Variants in DPP9 observed in about 807,000 individuals in gnomAD.
DPP9 encodes the protein dipeptidyl peptidase IV-related protein-2.
In DPP9, 50 loss-of-function variants were observed where a neutral mutation model predicts 110.7. That is an observed-to-expected ratio of 0.45 (90% CI 0.36 to 0.57). The LOEUF is 0.57. Ranked by LOEUF, DPP9 falls within the 20% of genes least tolerant of loss-of-function variation. The pLI, the probability that DPP9 is intolerant of heterozygous loss-of-function variation, is 0.00. For missense variants in DPP9, 1,022 were observed against 1,217.9 expected, an observed-to-expected ratio of 0.84 and a Z score of 2.39; for synonymous variants, 561 against 514.4, an observed-to-expected ratio of 1.09 and a Z score of -1.23.
rs367966300 is a variant in DPP9, at chr19:4,689,550, G to T, written c.1749+20C>A. 1 of 1,546,456 alleles carries T rather than the reference G, an allele frequency of 6.5e-7. No individual in the cohort carries two copies. The highest frequency in any genetic ancestry group is 2.4e-5 in the East Asian group (1 of 41,216). ...TGTTGGACGGGCACAGGGCGGTGCC[G>T]TGAGGCTGGGCGGTCCCACCTGGCT... On this transcript the variant is annotated intron_variant, in intron 15 of 21. Coordinates refer to ENST00000262960, the MANE Select transcript of DPP9 (RefSeq NM_139159.5). The surrounding 1 kb of genome is among the most constrained non-coding windows in gnomAD (Gnocchi z 7.0).
intron 7 of DPP9, 24 bp downstream of exon 7, chr19:4,703,862 G>T: frequency 6.3e-7 from 1 of 1,584,162 alleles, no homozygotes; most frequent in Non-Finnish European, 8.6e-7. Context: ...TATGGTGGCC[G>T]TGCACAGGAG....
At position 4,702,082 on chromosome 19, in the gene DPP9, G is replaced by A. The variant is rs1389421613; in HGVS notation, c.957C>T (p.Val319=). 3 of 1,613,982 alleles carry A rather than the reference G, an allele frequency of 1.9e-6. No individual in the cohort carries two copies. In the Admixed American group the frequency reaches 5.0e-5, roughly 27 times the overall value. The change falls in exon 9 of 22, where the codon GTC becomes GTT. Residue 319 remains valine, a synonymous_variant. Coordinates refer to ENST00000262960, the MANE Select transcript of DPP9 (RefSeq NM_139159.5). ...TCCTTTCTTCTAGCGCAGGAGAGGGGACGTGAATGACCTCCACCTCGGACT... is the reference window on the plus strand; with the variant it reads ...TCCTTTCTTCTAGCGCAGGAGAGGGAACGTGAATGACCTCCACCTCGGACT... ...VDESEVEVIH[V]PSPALEERKT...
chr19:4,692,925 C>T (rs1051880500), intron 13 of DPP9, among the ~76,000 whole-genome samples: 9 of 152,128 alleles, frequency 5.9e-5, no homozygotes, highest in Non-Finnish European at 8.8e-5. Flanking sequence ...GCTGTCACCC[C>T]GCCGGTCCGC....
rs1475766847 is a variant in DPP9, at chr19:4,718,981, T to G, written c.56+870A>C. Among the ~76,000 whole-genome samples, 1 of 152,112 alleles carries G rather than the reference T, an allele frequency of 6.6e-6. No individual in the cohort carries two copies. The highest frequency in any genetic ancestry group is 1.5e-5 in the Non-Finnish European group (1 of 68,026). On this transcript the variant is annotated intron_variant, in intron 3 of 21. Transcript: ENST00000262960. The surrounding 1 kb of genome is among the most constrained non-coding windows in gnomAD (Gnocchi z 4.3). ...CTGACTGCCCCGGGGGGTGCGTGTC[T>G]AACCACATTCCATCCACACCTGATT...
At chr19:4,716,741 T>C (rs1329000934) in intron 3 of DPP9, among the ~76,000 whole-genome samples, 1 of 152,038 alleles carries the variant, frequency 6.6e-6, no homozygotes, top group Non-Finnish European at 1.5e-5. Context: ...GTGGGGAAAC[T>C]GAAGCTGGGA....
In DPP9 at chr19:4,676,365, C is replaced by G. The variant is rs905907448; in HGVS notation, c.*199G>C. On this transcript the variant is annotated 3_prime_UTR_variant, in exon 22 of 22. Transcript: ENST00000262960. This position sits in a 1 kb window ranked among gnomAD's most constrained non-coding sequence, Gnocchi z 4.0. ...CTCTGTCTCGGCAACCAAGAAGCAGCGGACATAAAACCCAAGAGCGTTTAA... is the reference window on the plus strand; with the variant it reads ...CTCTGTCTCGGCAACCAAGAAGCAGGGGACATAAAACCCAAGAGCGTTTAA... 5.1e-6 allele frequency: 3 copies of G among 586,548 alleles called. No individual in the cohort carries two copies. Among genetic ancestry groups the G allele is most frequent in the Non-Finnish European group, 9.2e-6 (3 of 327,052 alleles). The allele number at this position is 586,548 out of a possible 1,614,324, so 36.3% of individuals were successfully genotyped here. A position where few individuals can be genotyped will look rare whatever the true frequency, so the allele number is the denominator to read the frequency against.
rs1252528102 is a variant in DPP9 at position 4,695,350 on chromosome 19, G to A, written c.1353+28C>T. 1.3e-6 allele frequency: 2 copies of A among 1,533,950 alleles called. No individual in the cohort carries two copies. Among genetic ancestry groups the A allele is most frequent in the Non-Finnish European group, 1.8e-6 (2 of 1,139,300 alleles). On this transcript the variant is annotated intron_variant, in intron 12 of 21. Transcript: ENST00000262960. This position sits in a 1 kb window ranked among gnomAD's most constrained non-coding sequence, Gnocchi z 4.7. ...CAGTGTGACTCCAGGGCCCAGGCGG[G>A]CATACAGCCAGCGCTTGCCCCGCTT...
chr19:4,690,935 C>A lies in DPP9; in HGVS notation c.1539G>T (p.Lys513Asn). ...CACCGCTGGTCAGAGCAATCTCTTC[C>A]TTAATGGGGCACTTAAATTCATCTG... is the stretch of plus-strand genomic sequence containing the variant. ...PGEDEFKCPI[K>N]EEIALTSGEW... The change falls in exon 14 of 22, where the codon AAG (lysine) becomes AAT (asparagine). Residue 513 changes from lysine (K) to asparagine (N), a missense_variant. By Grantham distance (94) the Lys-to-Asn change is moderately conservative. Coordinates refer to ENST00000262960, the MANE Select transcript of DPP9 (RefSeq NM_139159.5). The A allele has an allele frequency of 6.2e-7, 1 of 1,613,196 alleles. No homozygotes were observed. The highest frequency in any genetic ancestry group is 8.5e-7 in the Non-Finnish European group (1 of 1,179,612).
At chr19:4,719,772 T>G in intron 3 of DPP9, 79 bp downstream of exon 3, 1 of 1,503,556 alleles carries the variant, frequency 6.7e-7, no homozygotes, top group Non-Finnish European at 9.1e-7. Context: ...AGAAGGGGCC[T>G]TCCAGATCTT....
rs897397566 is a variant in DPP9, at chr19:4,687,565, C to A, written c.1885+1192G>T. Among the ~76,000 whole-genome samples the A allele has an allele frequency of 6.6e-6, 1 of 152,126 alleles. No homozygotes were observed. Among genetic ancestry groups the A allele is most frequent in the Non-Finnish European group, 1.5e-5 (1 of 68,014 alleles). ...TTTCCTGAGGCCCCCCTGTGACTGA[C>A]CCTTTGCTCCTTTTCCTGATAAAGG... On this transcript the variant is annotated intron_variant, in intron 16 of 21. Coordinates refer to ENST00000262960, the MANE Select transcript of DPP9 (RefSeq NM_139159.5). This position sits in a 1 kb window ranked among gnomAD's most constrained non-coding sequence, Gnocchi z 4.7.
chr19:4,719,650 C>A lies in DPP9; in HGVS notation c.56+201G>T, dbSNP rs2093231213. 9 of 644,338 alleles carry A rather than the reference C, an allele frequency of 1.4e-5. No homozygotes were observed. In the South Asian group the frequency reaches 1.7e-4, roughly 12 times the overall value. 39.9% of individuals were successfully genotyped at this position (644,338 alleles called of 1,614,324 possible). A position where few individuals can be genotyped will look rare whatever the true frequency, so the allele number is the denominator to read the frequency against. On this transcript the variant is annotated intron_variant, in intron 3 of 21. Coordinates refer to ENST00000262960, the MANE Select transcript of DPP9 (RefSeq NM_139159.5). Reference sequence around the variant, plus strand: ...GCCCCACCCCAGAGAACATTCCAGCCCCAGCGTCCACAGTGCCGAGGGGGA... The same window carrying A: ...GCCCCACCCCAGAGAACATTCCAGCACCAGCGTCCACAGTGCCGAGGGGGA...
At chr19:4,692,052 C>G (rs1222312901) in intron 13 of DPP9, among the ~76,000 whole-genome samples, 3 of 151,962 alleles carry the variant, frequency 2.0e-5, no homozygotes. Context: ...AACTCCTGGG[C>G]TCAAGTGATC....
At chr19:4,686,121 TTC>T (rs1339798072) in intron 16 of DPP9, among the ~76,000 whole-genome samples, 12 of 151,626 alleles carry the variant, frequency 7.9e-5, no homozygotes, top group Admixed American at 5.3e-4. Context: ...TTTCTTTTTC[TTC>T]TTTTTTTTTT....
At chr19:4,683,224 C>A (rs927605421) in intron 19 of DPP9, 1 of 1,431,100 alleles carries the variant, frequency 7.0e-7, no homozygotes, top group African/African-American at 1.4e-5. Flanking sequence ...CCGGGCTCAG[C>A]CTCCCACAGA....
intron 2 of DPP9, among the ~76,000 whole-genome samples, chr19:4,721,168 A>T (rs533545771): frequency 1.3e-5 from 2 of 152,348 alleles, no homozygotes; most frequent in South Asian, 4.1e-4. Context: ...TGGACAGAAC[A>T]GCCCCCCTCC....
Position 4,695,311 on chromosome 19 carries a change from C to T in DPP9, c.1353+67G>A, listed in dbSNP as rs904097208. ...GCCATTGGCGCTCAGCCTTCTAGGA[C>T]GTGGGGGTGGGGACAGTGTGACTCC... On this transcript the variant is annotated intron_variant, in intron 12 of 21. Coordinates refer to ENST00000262960, the MANE Select transcript of DPP9 (RefSeq NM_139159.5). This position sits in a 1 kb window ranked among gnomAD's most constrained non-coding sequence, Gnocchi z 4.7. 4.3e-5 allele frequency: 62 copies of T among 1,456,382 alleles called. No individual in the cohort carries two copies. The highest frequency in any genetic ancestry group is 3.9e-4 in the Middle Eastern group (2 of 5,096). 90.2% of individuals were successfully genotyped at this position (1,456,382 alleles called of 1,614,324 possible). A position where few individuals can be genotyped will look rare whatever the true frequency, so the allele number is the denominator to read the frequency against.
chr19:4,723,587 G>T, intron 1 of DPP9, 87 bp downstream of exon 1: 1 of 155,438 alleles, frequency 6.4e-6, no homozygotes, highest in Non-Finnish European at 1.4e-5. Context: ...GCGATGGCGA[G>T]GGCAGGGTCA....
At chr19:4,701,123 G>A (rs1369361742) in intron 9 of DPP9, among the ~76,000 whole-genome samples, 1 of 152,162 alleles carries the variant, frequency 6.6e-6, no homozygotes, top group East Asian at 1.9e-4. Flanking sequence ...TGGGCTGCAC[G>A]TGTGTTCTGT....
rs1171822604 is a variant in DPP9 at position 4,703,883 on chromosome 19, C to T, written c.769+3G>A. On this transcript the variant is annotated splice_donor_region_variant and intron_variant, in intron 7 of 21. Transcript: ENST00000262960. Reference sequence around the variant, plus strand: ...GGCCGTGCACAGGAGGGGCTGGCCCCACCTTGGTGGCAGAAGGTCAGCCGC... The same window carrying T: ...GGCCGTGCACAGGAGGGGCTGGCCCTACCTTGGTGGCAGAAGGTCAGCCGC... The T allele has an allele frequency of 6.3e-7, 1 of 1,598,106 alleles. No homozygotes were observed. The highest frequency in any genetic ancestry group is 1.3e-5 in the African/African-American group (1 of 74,596).
Sources: allele counts gnomAD v4.1 joint callset (sites outside exome capture counted in the v4.1 genomes callset), GRCh38; gene constraint gnomAD v4.1.1; non-coding constraint Gnocchi (gnomAD v3.1); transcripts MANE v1.5; gene names NCBI Gene and HGNC (gene_info 2026-07-23, HGNC 2026-07-21).